Variants in ADAMTS14 observed in about 807,000 individuals in gnomAD.
ADAMTS14 encodes ADAM metallopeptidase with thrombospondin type 1 motif 14, also known as A disintegrin and metalloproteinase with thrombospondin motifs 14.
ADAMTS14 carries 100 observed loss-of-function variants against 128.6 expected under a neutral mutation model. The observed-to-expected ratio is 0.78, with a 90% CI of 0.66 to 0.92. The LOEUF is 0.92. Ranked by LOEUF, ADAMTS14 falls within the 40% of genes least tolerant of loss-of-function variation. The pLI is 0.00. For missense variants in ADAMTS14, 1,562 were observed against 1,658.6 expected (o/e 0.94, Z 1.01); for synonymous variants, 665 against 653.8 (o/e 1.02, Z -0.26).
At chr10:70,715,304 G>T (rs1841003842) in intron 4 of ADAMTS14, among the ~76,000 whole-genome samples, 1 of 152,148 alleles carries the variant, frequency 6.6e-6, no homozygotes, top group East Asian at 1.9e-4. Context: ...CCTCACACAG[G>T]CTGGGAACAG....
chr10:70,708,654 G>A lies in ADAMTS14; in HGVS notation c.746G>A (p.Arg249Gln), dbSNP rs202183313. The change falls in exon 4 of 22, where the codon CGG becomes CAG. Residue 249 changes from arginine to glutamine, a missense_variant. Physicochemically the swap from Arg to Gln is conservative, Grantham distance 43. Coordinates refer to ENST00000373207, the MANE Select transcript of ADAMTS14 (RefSeq NM_080722.4). ...GGGGACCAGCTGGGCGACACAGAGC[G>A]GAAGCGGCGGCATGCCAAGCCAGGC... is the stretch of plus-strand genomic sequence containing the variant. ...LVGDQLGDTERKRRHAKPGSY... is the reference protein window; with the variant it reads ...LVGDQLGDTEQKRRHAKPGSY... 3.0e-5 allele frequency: 49 copies of A among 1,613,740 alleles called. No homozygotes were observed. Among genetic ancestry groups the A allele is most frequent in the East Asian group, 1.3e-4 (6 of 44,850 alleles).
chr10:70,683,201 C>A (rs1348861746), intron 2 of ADAMTS14, among the ~76,000 whole-genome samples: 1 of 152,200 alleles, frequency 6.6e-6, no homozygotes, highest in African/African-American at 2.4e-5. Flanking sequence ...TAGGGGAAAC[C>A]CGTTTACCTC....
At chr10:70,707,511 T>G (rs1840703143) in intron 3 of ADAMTS14, among the ~76,000 whole-genome samples, 1 of 152,192 alleles carries the variant, frequency 6.6e-6, no homozygotes, top group Non-Finnish European at 1.5e-5. Context: ...TGAGTCTCCA[T>G]GCACCCTCAC....
At chr10:70,694,541 C>T (rs1351880235) in intron 2 of ADAMTS14, among the ~76,000 whole-genome samples, 1 of 152,150 alleles carries the variant, frequency 6.6e-6, no homozygotes, top group Non-Finnish European at 1.5e-5. Context: ...CCAACATTAC[C>T]CCAGCCCTTG....
intron 10 of ADAMTS14, among the ~76,000 whole-genome samples, chr10:70,738,377 A>C (rs951451709): frequency 1.3e-5 from 2 of 151,698 alleles, no homozygotes; most frequent in African/African-American, 4.8e-5. Flanking sequence ...TCATGCATAC[A>C]CTCCTTCCAC....
intron 4 of ADAMTS14, among the ~76,000 whole-genome samples, chr10:70,714,359 G>A (rs1840953170): frequency 6.6e-6 from 1 of 152,206 alleles, no homozygotes; most frequent in African/African-American, 2.4e-5. Context: ...CTGGCGTGCA[G>A]AGACAGGCTG....
intron 2 of ADAMTS14, among the ~76,000 whole-genome samples, chr10:70,690,366 T>C (rs1178304144): frequency 6.9e-6 from 1 of 144,422 alleles, no homozygotes; most frequent in Non-Finnish European, 1.6e-5. Context: ...TTGTGTTTCA[T>C]CTGCTCCTTC....
chr10:70,676,527 C>T (rs543845977), intron 2 of ADAMTS14, among the ~76,000 whole-genome samples: 5 of 152,164 alleles, frequency 3.3e-5, no homozygotes, highest in Admixed American at 6.5e-5. Context: ...TTGTCAGGTG[C>T]GCAGAATCTG....
intron 18 of ADAMTS14, 103 bp from the exon 19 acceptor site, chr10:70,753,697 C>A: frequency 7.8e-7 from 1 of 1,278,668 alleles, no homozygotes; most frequent in Non-Finnish European, 1.1e-6. Context: ...GAAACCCAAA[C>A]CCACTCTCTG....
chr10:70,683,293 T>C (rs1839868358), intron 2 of ADAMTS14, among the ~76,000 whole-genome samples: 1 of 152,246 alleles, frequency 6.6e-6, no homozygotes, highest in Admixed American at 6.5e-5. Context: ...TGGTTTCTCA[T>C]GTTTGCCACT....
intron 3 of ADAMTS14, among the ~76,000 whole-genome samples, chr10:70,708,167 AC>A (rs1443281628): frequency 1.3e-5 from 2 of 152,162 alleles, no homozygotes; most frequent in Non-Finnish European, 2.9e-5. Context: ...TAGCCCCATG[AC>A]TTTTCTCCTT....
chr10:70,678,099 A>G (rs901515960), intron 2 of ADAMTS14, among the ~76,000 whole-genome samples: 1 of 152,246 alleles, frequency 6.6e-6, no homozygotes, highest in East Asian at 1.9e-4. Context: ...CACAGCATGC[A>G]TATGTGTATG....
intron 4 of ADAMTS14, among the ~76,000 whole-genome samples, chr10:70,722,290 A>G (rs1841295136): frequency 6.6e-6 from 1 of 151,860 alleles, no homozygotes; most frequent in African/African-American, 2.4e-5. Context: ...AGGGCCTGAG[A>G]CTCCATGTTG....
At chr10:70,748,018 G>T (rs2132727325) in intron 15 of ADAMTS14, among the ~76,000 whole-genome samples, 1 of 152,242 alleles carries the variant, frequency 6.6e-6, no homozygotes, top group Non-Finnish European at 1.5e-5. Context: ...GGGGACATGG[G>T]GTCTTTGAAA....
chr10:70,752,296 G>A, intron 18 of ADAMTS14, 69 bp downstream of exon 18: 1 of 1,578,222 alleles, frequency 6.3e-7, no homozygotes, highest in Admixed American at 1.8e-5. Context: ...CAGCGGGGCT[G>A]CTGAGCCTGC....
chr10:70,693,215 C>T (rs1312487162), intron 2 of ADAMTS14, among the ~76,000 whole-genome samples: 2 of 152,168 alleles, frequency 1.3e-5, no homozygotes, highest in African/African-American at 4.8e-5. Context: ...GATCCAATCA[C>T]CTCCCACCAT....
intron 2 of ADAMTS14, among the ~76,000 whole-genome samples, chr10:70,697,499 C>A (rs1840363563): frequency 6.6e-6 from 1 of 152,230 alleles, no homozygotes. Flanking sequence ...GCTCCAGGTA[C>A]CCTTGCCTCC....
chr10:70,682,168 G>C (rs72814521), intron 2 of ADAMTS14, among the ~76,000 whole-genome samples: 5,138 of 152,342 alleles, frequency 0.034, 98 homozygotes, highest in Non-Finnish European at 0.046. Context: ...TGGAGGGGCA[G>C]GAGGTGGAAA....
rs914337000 is a variant in ADAMTS14 at position 70,751,714 on chromosome 10, G to T, written c.2596+68G>T. 4 of 1,555,690 alleles carry T rather than the reference G, an allele frequency of 2.6e-6. No homozygotes were observed. In the African/African-American group the frequency reaches 5.4e-5, roughly 21 times the overall value. The stretch of plus-strand genomic sequence containing the variant: ...AGGATCCCTTGAGAGGCAGGGGTGG[G>T]GGACTGATGTTGTCTCCATTTGATG... On this transcript the variant is annotated intron_variant, in intron 17 of 21. Coordinates refer to ENST00000373207, the MANE Select transcript of ADAMTS14 (RefSeq NM_080722.4).
Sources: allele counts gnomAD v4.1 joint callset (sites outside exome capture counted in the v4.1 genomes callset), GRCh38; gene constraint gnomAD v4.1.1; transcripts MANE v1.5; gene names NCBI Gene and HGNC (gene_info 2026-07-23, HGNC 2026-07-21).